Variants in RALB observed in about 807,000 individuals in gnomAD.
RALB encodes the protein ras-related protein Ral-B.
RALB carries 16 observed loss-of-function variants against 21.3 expected under a neutral mutation model. The observed-to-expected ratio is 0.75, with a 90% CI of 0.51 to 1.14. The LOEUF is 1.14. Ranked by LOEUF, RALB falls within the 50% of genes most tolerant of loss-of-function variation. The pLI is 0.00. For missense variants in RALB, 161 were observed against 256.2 expected, an observed-to-expected ratio of 0.63 and a Z score of 2.54; for synonymous variants, 93 against 96.1, an observed-to-expected ratio of 0.97 and a Z score of 0.19.
chr2:120,248,561 A>AGCACTCT (rs11281145), upstream of RALB, among the ~76,000 whole-genome samples: 1 of 151,298 alleles, frequency 6.6e-6, no homozygotes, highest in African/African-American at 2.4e-5. Context: ...TACCCTGTCT[A>AGCACTCT]GGACCCCACT....
At chr2:120,248,171 C>T (rs929740671), upstream of RALB, among the ~76,000 whole-genome samples, 3 of 152,192 alleles carry the variant, frequency 2.0e-5, no homozygotes, top group Non-Finnish European at 2.9e-5. Flanking sequence ...GCTGTTCCCC[C>T]ATCTGTAGAT....
chr2:120,245,120 A>C (rs980506651), intron 1 of RALB, among the ~76,000 whole-genome samples: 1 of 152,260 alleles, frequency 6.6e-6, no homozygotes, highest in South Asian at 2.1e-4. Context: ...GCAGAGGCTC[A>C]GCATGGGCTC....
rs375919427 is a variant in RALB, at chr2:120,289,739, C to T, written c.483C>T (p.Thr161=). Residue 161 remains threonine, a synonymous_variant, in exon 4 of 5, where the codon ACC becomes ACT. Coordinates refer to ENST00000272519, the MANE Select transcript of RALB (RefSeq NM_002881.3). The part of the protein sequence containing the change: ...GVQYVETSAK[T]RANVDKVFFD... ...AGTACGTGGAGACGTCAGCGAAGACCCGGGCCAACGTGGACAAGGTAGGCG... is the reference window on the plus strand; with the variant it reads ...AGTACGTGGAGACGTCAGCGAAGACTCGGGCCAACGTGGACAAGGTAGGCG... 12 of 1,608,588 alleles carry T rather than the reference C, an allele frequency of 7.5e-6. No homozygotes were observed. The African/African-American group carries it at 1.3e-4, about 18-fold the overall frequency.
chr2:120,266,684 C>G (rs1182167018), intron 1 of RALB, among the ~76,000 whole-genome samples: 1 of 152,120 alleles, frequency 6.6e-6, no homozygotes, highest in African/African-American at 2.4e-5. Flanking sequence ...GTACTCCAGT[C>G]TGGGCGACAG....
chr2:120,259,450 T>C (rs1407411856), intron 1 of RALB, among the ~76,000 whole-genome samples: 1 of 151,866 alleles, frequency 6.6e-6, no homozygotes, highest in Non-Finnish European at 1.5e-5. Context: ...AGAGTGTCAA[T>C]TGGTGCATTC....
intron 1 of RALB, among the ~76,000 whole-genome samples, chr2:120,254,219 T>TC (rs1474724555): frequency 6.6e-6 from 1 of 152,084 alleles, no homozygotes; most frequent in African/African-American, 2.4e-5. Flanking sequence ...AGCTCCAGAG[T>TC]CAGCAACTGT....
chr2:120,270,340 T>C (rs951783163), intron 1 of RALB, among the ~76,000 whole-genome samples: 5 of 152,244 alleles, frequency 3.3e-5, no homozygotes, highest in Non-Finnish European at 7.3e-5. Context: ...ATTTTAACTA[T>C]ACTGTTGAGT....
chr2:120,242,485 A>T (rs1180096711), intron 1 of RALB, among the ~76,000 whole-genome samples: 1 of 152,254 alleles, frequency 6.6e-6, no homozygotes, highest in Non-Finnish European at 1.5e-5. Context: ...GATGCCTATA[A>T]TCACTTTGGG....
chr2:120,283,004 T>C (rs1280450044), intron 2 of RALB, among the ~76,000 whole-genome samples: 2 of 151,998 alleles, frequency 1.3e-5, no homozygotes, highest in Non-Finnish European at 2.9e-5. Context: ...GATTATAGAA[T>C]TTCCTGGGAG....
At chr2:120,241,994 G>A (rs1163954006) in intron 1 of RALB, among the ~76,000 whole-genome samples, 1 of 152,182 alleles carries the variant, frequency 6.6e-6, no homozygotes, top group African/African-American at 2.4e-5. Flanking sequence ...CTCACGATAG[G>A]CCAGAGGTGG....
At chr2:120,286,155 A>G (rs943795149) in intron 3 of RALB, 73 bp downstream of exon 3, 2 of 1,314,106 alleles carry the variant, frequency 1.5e-6, no homozygotes, top group Non-Finnish European at 2.2e-6. Flanking sequence ...AGGCCTATGA[A>G]GAATTTGGGG....
At chr2:120,285,839 A>G in intron 2 of RALB, 35 bp from the exon 3 acceptor site, 2 of 1,582,768 alleles carry the variant, frequency 1.3e-6, no homozygotes, top group Non-Finnish European at 1.7e-6. Flanking sequence ...TCCCCTTAAG[A>G]CTTTGTTAAT....
intron 1 of RALB, among the ~76,000 whole-genome samples, chr2:120,262,279 C>G (rs1689384248): frequency 6.6e-6 from 1 of 152,074 alleles, no homozygotes; most frequent in African/African-American, 2.4e-5. Context: ...GGAGGAAGGA[C>G]ACATATCTGG....
chr2:120,281,854 A>T (rs1238958258), intron 2 of RALB, among the ~76,000 whole-genome samples: 1 of 152,140 alleles, frequency 6.6e-6, no homozygotes, highest in African/African-American at 2.4e-5. Context: ...TTAGGGAGAT[A>T]GGATTAGGGA....
chr2:120,242,048 T>A (rs1020450275), intron 1 of RALB, among the ~76,000 whole-genome samples: 1 of 151,718 alleles, frequency 6.6e-6, no homozygotes, highest in Non-Finnish European at 1.5e-5. Context: ...ATAAACAGAG[T>A]GTGGCACACG....
chr2:120,261,575 C>T lies in RALB; in HGVS notation c.-48+8595C>T, dbSNP rs149937676. The stretch of plus-strand genomic sequence containing the variant: ...CATTCGTGGTTTGTGATCATAAGTG[C>T]ATTGAGAGTGGAGTGCTGGGAGGCT... On this transcript the variant is annotated intron_variant, in intron 1 of 4. Transcript: ENST00000272519. Among the ~76,000 whole-genome samples the T allele has an allele frequency of 3.8e-3, 586 of 152,254 alleles. 2 individuals are homozygous for T. Among genetic ancestry groups the T allele is most frequent in the African/African-American group, 0.013 (556 of 41,536 alleles).
At chr2:120,253,344 T>A (rs1238686740) in intron 1 of RALB, 1 of 968,826 alleles carries the variant, frequency 1.0e-6, no homozygotes, top group East Asian at 1.1e-4. Context: ...GGCCGCGGCT[T>A]GGGCAGGGTC....
chr2:120,246,519 A>G (rs960465111), intron 1 of RALB, among the ~76,000 whole-genome samples: 2 of 152,176 alleles, frequency 1.3e-5, no homozygotes, highest in Non-Finnish European at 2.9e-5. Flanking sequence ...CCCACCACCA[A>G]CATCCTTTCC....
At chr2:120,240,234 C>A in intron 1 of RALB, 4 of 1,074,080 alleles carry the variant, frequency 3.7e-6, no homozygotes, top group Non-Finnish European at 5.0e-6. Flanking sequence ...GGTAAACAGA[C>A]TTGCCTGGGG....
Sources: allele counts gnomAD v4.1 joint callset (sites outside exome capture counted in the v4.1 genomes callset), GRCh38; gene constraint gnomAD v4.1.1; transcripts MANE v1.5; gene names NCBI Gene and HGNC (gene_info 2026-07-23, HGNC 2026-07-21).